LRRC4C: variants seen among roughly 807,000 people sequenced by gnomAD.
LRRC4C encodes leucine rich repeat containing 4C.
LRRC4C carries 5 observed loss-of-function variants against 33.6 expected under a neutral mutation model. The observed-to-expected ratio is 0.15, with a 90% CI of 0.08 to 0.31. LRRC4C has a LOEUF of 0.31. Among genes scored for constraint, LRRC4C ranks in the 10% least tolerant of loss-of-function variants. LRRC4C has a pLI of 1.00. For missense variants in LRRC4C, 560 were observed against 796.7 expected, an observed-to-expected ratio of 0.70 and a Z score of 3.58; for synonymous variants, 329 against 302.0, an observed-to-expected ratio of 1.09 and a Z score of -0.93.
At chr11:41,122,429 G>C (rs1235356704) in intron 1 of LRRC4C, among the ~76,000 whole-genome samples, 1 of 151,986 alleles carries the variant, frequency 6.6e-6, no homozygotes, top group Non-Finnish European at 1.5e-5. Context: ...AGATCAAATT[G>C]TGTTGCCTTC....
chr11:41,237,030 C>A (rs1948054506), intron 1 of LRRC4C, among the ~76,000 whole-genome samples: 1 of 152,186 alleles, frequency 6.6e-6, no homozygotes, highest in African/African-American at 2.4e-5. Context: ...GGTATAAAAA[C>A]TACAGTGCTT....
intron 3 of LRRC4C, among the ~76,000 whole-genome samples, chr11:40,556,970 A>G (rs796533253): frequency 2.1e-4 from 32 of 152,230 alleles, no homozygotes; most frequent in African/African-American, 7.2e-4. Context: ...TCATACTCAT[A>G]CATTACTAAG....
chr11:40,495,071 A>T (rs937405427), intron 3 of LRRC4C, among the ~76,000 whole-genome samples: 8 of 152,172 alleles, frequency 5.3e-5, no homozygotes, highest in African/African-American at 1.9e-4. Context: ...TATTATCGAT[A>T]AGTGTCCATT....
chr11:41,106,252 T>C (rs1475043583), intron 1 of LRRC4C, among the ~76,000 whole-genome samples: 5 of 151,952 alleles, frequency 3.3e-5, no homozygotes, highest in African/African-American at 1.2e-4. Flanking sequence ...CGCATTTGTG[T>C]GTGTGTGTGT....
At chr11:41,391,017 T>C in intron 1 of LRRC4C, among the ~76,000 whole-genome samples, 1 of 150,664 alleles carries the variant, frequency 6.6e-6, no homozygotes, top group Admixed American at 6.6e-5. Context: ...CCTTGGGCCA[T>C]ATAAGTAAGC....
intron 2 of LRRC4C, among the ~76,000 whole-genome samples, chr11:40,897,352 C>A (rs1404914424): frequency 6.6e-6 from 1 of 152,088 alleles, no homozygotes; most frequent in Non-Finnish European, 1.5e-5. Flanking sequence ...CCCTGGAATT[C>A]AAAAACCCTG....
At chr11:41,185,691 GC>G (rs1428564814) in intron 1 of LRRC4C, among the ~76,000 whole-genome samples, 1 of 152,062 alleles carries the variant, frequency 6.6e-6, no homozygotes, top group Non-Finnish European at 1.5e-5. Context: ...ACTTGTATTT[GC>G]TATCCTTATA....
chr11:40,224,265 A>G (rs1250899692), intron 5 of LRRC4C, among the ~76,000 whole-genome samples: 1 of 152,240 alleles, frequency 6.6e-6, no homozygotes, highest in Non-Finnish European at 1.5e-5. Context: ...TGGTTTATAT[A>G]TAATTCCAAT....
At chr11:40,125,826 C>T (rs1703256348) in intron 6 of LRRC4C, among the ~76,000 whole-genome samples, 1 of 152,124 alleles carries the variant, frequency 6.6e-6, no homozygotes, top group Non-Finnish European at 1.5e-5. Flanking sequence ...TTAAATAACA[C>T]CATTACCAAA....
At chr11:40,593,530 G>A (rs1210841326) in intron 3 of LRRC4C, among the ~76,000 whole-genome samples, 1 of 152,176 alleles carries the variant, frequency 6.6e-6, no homozygotes, top group Non-Finnish European at 1.5e-5. Context: ...GAGAAACAGA[G>A]AAAAGCACAG....
intron 1 of LRRC4C, among the ~76,000 whole-genome samples, chr11:41,266,450 C>G (rs545725769): frequency 6.6e-6 from 1 of 152,084 alleles, no homozygotes; most frequent in East Asian, 1.9e-4. Context: ...TTTCTCCATT[C>G]TTATTCTTAG....
intron 1 of LRRC4C, among the ~76,000 whole-genome samples, chr11:41,276,005 G>A (rs750357922): frequency 2.1e-4 from 32 of 152,056 alleles, no homozygotes; most frequent in Non-Finnish European, 3.7e-4. Context: ...GTTTGTACAC[G>A]TTGACAAGAT....
intron 1 of LRRC4C, among the ~76,000 whole-genome samples, chr11:41,241,870 C>T (rs907697831): frequency 6.6e-6 from 1 of 152,292 alleles, no homozygotes. Flanking sequence ...AGTCTCTTCA[C>T]TGGCAAATCA....
In LRRC4C at chr11:41,262,068, C is replaced by A. The variant is rs983808006; in HGVS notation, c.-496+197363G>T. Among the ~76,000 whole-genome samples the A allele has an allele frequency of 3.3e-5, 5 of 151,928 alleles. No homozygotes were observed. In the East Asian group the frequency reaches 9.7e-4, roughly 29 times the overall value. On this transcript the variant is annotated intron_variant, in intron 1 of 6. Transcript: ENST00000528697. The stretch of plus-strand genomic sequence containing the variant: ...TCTATTCTAAAATAAGTGAGATACA[C>A]TTTAGAGAGTAGGAAATGATAGGAT...
At chr11:40,623,080 C>T (rs971888199) in intron 3 of LRRC4C, among the ~76,000 whole-genome samples, 2 of 151,500 alleles carry the variant, frequency 1.3e-5, no homozygotes, top group African/African-American at 2.4e-5. Context: ...ACTACAGGAG[C>T]TCTATGTTGT....
intron 3 of LRRC4C, among the ~76,000 whole-genome samples, chr11:40,465,445 CA>C (rs1003682977): frequency 4.6e-5 from 7 of 151,370 alleles, no homozygotes; most frequent in Non-Finnish European, 8.9e-5. Flanking sequence ...GCAACAAAAC[CA>C]AAAACATTTA....
At chr11:40,701,087 G>A (rs1361527175) in intron 2 of LRRC4C, among the ~76,000 whole-genome samples, 1 of 152,066 alleles carries the variant, frequency 6.6e-6, no homozygotes, top group Non-Finnish European at 1.5e-5. Flanking sequence ...CCATAAAAGT[G>A]TCTAATTAAG....
At chr11:40,551,211 A>G (rs1330204765) in intron 3 of LRRC4C, among the ~76,000 whole-genome samples, 3 of 152,074 alleles carry the variant, frequency 2.0e-5, no homozygotes, top group African/African-American at 7.2e-5. Context: ...GGCTAAAACA[A>G]GAATTCAGAA....
rs557034187 is a variant in LRRC4C, at chr11:41,280,152, T to G, written c.-496+179279A>C. 1.5e-3 allele frequency among the ~76,000 whole-genome samples: 230 copies of G among 152,314 alleles called. 1 individual carries two copies. The highest frequency in any genetic ancestry group is 5.2e-3 in the African/African-American group (216 of 41,564). ...CTAGTATGTTGGTTACTGTAAAGTA[T>G]GAACATAATGCTTATTTGTTGAAGG... On this transcript the variant is annotated intron_variant, in intron 1 of 6. Coordinates refer to ENST00000528697, the MANE Select transcript of LRRC4C (RefSeq NM_001258419.2).
Sources: gnomAD v4.1 joint callset for allele counts (sites outside exome capture counted in the v4.1 genomes callset) on GRCh38, gnomAD v4.1.1 for gene constraint, MANE v1.5 for transcripts, NCBI Gene and HGNC (gene_info 2026-07-23, HGNC 2026-07-21) for gene names.